The following RIMS2 variants were observed in gnomAD, a reference collection of about 807,000 sequenced individuals.
RIMS2 encodes regulating synaptic membrane exocytosis protein 2.
RIMS2 carries 59 observed loss-of-function variants against 174.4 expected under a neutral mutation model. The observed-to-expected ratio is 0.34, with a 90% CI of 0.27 to 0.42. The LOEUF (loss-of-function observed/expected upper bound fraction) is 0.42, where lower values mean the gene tolerates loss of function less well. RIMS2 is among the 10% of genes least tolerant of loss of function. The pLI, the probability that RIMS2 is intolerant of heterozygous loss-of-function variation, is 1.00. For missense variants in RIMS2, 1,620 were observed against 1,666.3 expected (o/e 0.97, Z 0.48); for synonymous variants, 606 against 572.5 (o/e 1.06, Z -0.84).
chr8:103,622,257 A>G (rs1264351688), intron 1 of RIMS2, among the ~76,000 whole-genome samples: 1 of 152,192 alleles, frequency 6.6e-6, no homozygotes, highest in East Asian at 1.9e-4. Context: ...AGTGAATACA[A>G]ACAATGACAC....
intron 4 of RIMS2, among the ~76,000 whole-genome samples, chr8:103,894,320 G>T (rs974600190): frequency 1.3e-5 from 2 of 151,566 alleles, no homozygotes; most frequent in African/African-American, 2.4e-5. Flanking sequence ...TATCTTCTAA[G>T]GTCAAAGTAC....
intron 2 of RIMS2, among the ~76,000 whole-genome samples, chr8:103,739,902 A>G (rs1351727015): frequency 6.6e-6 from 1 of 152,162 alleles, no homozygotes; most frequent in Admixed American, 6.6e-5. Flanking sequence ...CCATAGACTA[A>G]GTCCTCAAGT....
chr8:103,631,039 G>A (rs2095905960), intron 1 of RIMS2, among the ~76,000 whole-genome samples: 1 of 152,168 alleles, frequency 6.6e-6, no homozygotes, highest in South Asian at 2.1e-4. Flanking sequence ...CAGATGCATA[G>A]TTCACAAATA....
At chr8:103,886,161 C>T (rs755841893) in exon 4 of RIMS2, 1 of 1,612,572 alleles carries the variant, frequency 6.2e-7, no homozygotes, top group South Asian at 1.1e-5. Context: ...GAATTGGCTT[C>T]CACGCCTGAA....
intron 1 of RIMS2, among the ~76,000 whole-genome samples, chr8:103,695,223 C>T (rs1213342691): frequency 6.6e-6 from 1 of 152,138 alleles, no homozygotes; most frequent in African/African-American, 2.4e-5. Flanking sequence ...TAATCTCCCA[C>T]CTGGTTTCCT....
At chr8:104,022,792 C>T (rs906332803) in intron 19 of RIMS2, among the ~76,000 whole-genome samples, 2 of 152,150 alleles carry the variant, frequency 1.3e-5, no homozygotes, top group African/African-American at 4.8e-5. Context: ...TTTATACACA[C>T]ACTTATAAAT....
intron 2 of RIMS2, among the ~76,000 whole-genome samples, chr8:103,705,356 G>C (rs901288512): frequency 4.6e-5 from 7 of 151,956 alleles, no homozygotes; most frequent in African/African-American, 1.7e-4. Flanking sequence ...CTTGTTTTCT[G>C]GCCTAAGATA....
intron 3 of RIMS2, among the ~76,000 whole-genome samples, chr8:103,792,358 G>C (rs142932284): frequency 0.12 from 17,636 of 152,134 alleles, 1,354 homozygotes; most frequent in Non-Finnish European, 0.17. Flanking sequence ...AAATAAACAT[G>C]TTCTTTGAAA....
intron 16 of RIMS2, among the ~76,000 whole-genome samples, chr8:103,978,237 G>A (rs2093612829): frequency 6.6e-6 from 1 of 152,106 alleles, no homozygotes; most frequent in Non-Finnish European, 1.5e-5. Context: ...ATAGAAGATA[G>A]GAATACATTT....
intron 1 of RIMS2, among the ~76,000 whole-genome samples, chr8:103,631,887 G>A (rs80133540): frequency 0.03 from 4,559 of 152,078 alleles, 75 homozygotes; most frequent in African/African-American, 0.046. Flanking sequence ...TCTGTTTGTG[G>A]CTGCTCTGAA....
chr8:103,772,310 G>T (rs1000727507), intron 3 of RIMS2, among the ~76,000 whole-genome samples: 2 of 151,968 alleles, frequency 1.3e-5, no homozygotes, highest in South Asian at 4.2e-4. Context: ...GTAGAATATA[G>T]TCAATGTCTG....
exon 16 of RIMS2, chr8:103,975,400 G>C: frequency 6.2e-7 from 1 of 1,613,086 alleles, no homozygotes; most frequent in Non-Finnish European, 8.5e-7. Context: ...ATCAGTGCCA[G>C]AACAAGTAAT....
chr8:103,797,908 A>C (rs376041450), intron 3 of RIMS2, among the ~76,000 whole-genome samples: 1 of 152,102 alleles, frequency 6.6e-6, no homozygotes, highest in African/African-American at 2.4e-5. Flanking sequence ...TATTAAGAGC[A>C]CCCTTTTTAC....
intron 10 of RIMS2, among the ~76,000 whole-genome samples, chr8:103,926,525 A>T (rs1179224768): frequency 6.6e-6 from 1 of 151,546 alleles, no homozygotes; most frequent in Admixed American, 6.6e-5. Flanking sequence ...GTCTGCTTTT[A>T]AGTCTGCTTT....
chr8:104,063,714 G>C (rs4734086), intron 19 of RIMS2, among the ~76,000 whole-genome samples: 32,205 of 152,040 alleles, frequency 0.21, 3,849 homozygotes, highest in Middle Eastern at 0.27. Flanking sequence ...TGAGCATTTT[G>C]TTTAAGACTA....
intron 19 of RIMS2, among the ~76,000 whole-genome samples, chr8:104,179,195 A>G (rs1482850032): frequency 2.0e-5 from 3 of 152,062 alleles, no homozygotes; most frequent in African/African-American, 7.2e-5. Flanking sequence ...AAAAACTTCA[A>G]ATAGATGTCT....
At chr8:103,621,088 G>A (rs1054324788) in intron 1 of RIMS2, among the ~76,000 whole-genome samples, 5 of 152,186 alleles carry the variant, frequency 3.3e-5, no homozygotes, top group Non-Finnish European at 7.3e-5. Flanking sequence ...ATAATTTTAT[G>A]TGAGTTCCCT....
chr8:103,870,137 T>A (rs74641495), intron 3 of RIMS2, among the ~76,000 whole-genome samples: 6 of 968 alleles, frequency 6.2e-3, no homozygotes, highest in Non-Finnish European at 0.01. Flanking sequence ...GGACAGCTGT[T>A]TTTTTTTTTT....
intron 1 of RIMS2, among the ~76,000 whole-genome samples, chr8:103,669,965 C>T (rs2096724648): frequency 6.6e-6 from 1 of 152,186 alleles, no homozygotes; most frequent in Non-Finnish European, 1.5e-5. Context: ...GAGCTCCAAC[C>T]CCACATTTCC....
Sources: gnomAD v4.1 joint callset for allele counts (sites outside exome capture counted in the v4.1 genomes callset) on GRCh38, gnomAD v4.1.1 for gene constraint, MANE v1.5 for transcripts, NCBI Gene and HGNC (gene_info 2026-07-23, HGNC 2026-07-21) for gene names.